NXPH1: variants seen among roughly 807,000 people sequenced by gnomAD.
The protein encoded by NXPH1 is neurexophilin 1.
A neutral mutation model predicts 23.7 loss-of-function variants in NXPH1; 5 were observed. That is an observed-to-expected ratio of 0.21 (90% confidence interval 0.11 to 0.44). The LOEUF (loss-of-function observed/expected upper bound fraction) is 0.44, where lower values mean the gene tolerates loss of function less well. Among genes scored for constraint, NXPH1 ranks in the 20% least tolerant of loss-of-function variants. NXPH1 has a pLI of 0.99. For synonymous variants in NXPH1, 144 were observed against 122.2 expected, an observed-to-expected ratio of 1.18 and a Z score of -1.18; for missense variants, 324 against 321.6, an observed-to-expected ratio of 1.01 and a Z score of -0.06.
rs183713211 is a variant in NXPH1 at position 8,681,825 on chromosome 7, T to A, written c.55-69183T>A. Among the ~76,000 whole-genome samples, 56 of 152,190 alleles carry A rather than the reference T, an allele frequency of 3.7e-4. 1 individual carries two copies. The highest frequency in any genetic ancestry group is 7.5e-4 in the Non-Finnish European group (51 of 68,030). ...ACATTGGCCTATCTGGCCTACCACA[T>A]CTATATTTTTCCAGTCTTTCTCTAC... On this transcript the variant is annotated intron_variant, in intron 2 of 2. Transcript: ENST00000405863.
intron 2 of NXPH1, among the ~76,000 whole-genome samples, chr7:8,438,445 G>A (rs1254579582): frequency 1.3e-5 from 2 of 152,208 alleles, no homozygotes; most frequent in African/African-American, 4.8e-5. Context: ...AGCCAGGGAA[G>A]AATTTGATGG....
intron 2 of NXPH1, among the ~76,000 whole-genome samples, chr7:8,554,398 G>T (rs183081226): frequency 6.6e-6 from 1 of 151,554 alleles, no homozygotes; most frequent in African/African-American, 2.4e-5. Context: ...AGAATGAGCC[G>T]GTCGGTGCTC....
At chr7:8,620,982 TAGTC>T (rs1819856100) in intron 2 of NXPH1, among the ~76,000 whole-genome samples, 2 of 152,220 alleles carry the variant, frequency 1.3e-5, no homozygotes, top group Admixed American at 6.5e-5. Context: ...GTTTTTGTCA[TAGTC>T]AGTTGCCTAT....
intron 2 of NXPH1, among the ~76,000 whole-genome samples, chr7:8,592,975 T>A (rs1023578865): frequency 6.6e-6 from 1 of 151,946 alleles, no homozygotes; most frequent in Non-Finnish European, 1.5e-5. Context: ...GTCCCCGTTT[T>A]ACCAACACAG....
intron 2 of NXPH1, among the ~76,000 whole-genome samples, chr7:8,632,745 G>A (rs913374393): frequency 2.0e-5 from 3 of 152,174 alleles, no homozygotes; most frequent in Non-Finnish European, 4.4e-5. Context: ...TTTCCGTGGT[G>A]TAGAGCTGTA....
At chr7:8,617,431 A>G (rs28632012) in intron 2 of NXPH1, among the ~76,000 whole-genome samples, 43,837 of 152,040 alleles carry the variant, frequency 0.29, 6,970 homozygotes, top group African/African-American at 0.4. Flanking sequence ...ATGAATGAAT[A>G]AAGAAAATGT....
At chr7:8,437,127 TAAACAGGTGAAAGCC>T (rs1816210153) in intron 2 of NXPH1, among the ~76,000 whole-genome samples, 1 of 152,170 alleles carries the variant, frequency 6.6e-6, no homozygotes, top group South Asian at 2.1e-4. Flanking sequence ...CACCTTGGGG[TAAACAGGTGAAAGCC>T]AGGGCAGCCA....
chr7:8,681,823 C>T (rs775303371), intron 2 of NXPH1, among the ~76,000 whole-genome samples: 4 of 152,212 alleles, frequency 2.6e-5, no homozygotes, highest in Non-Finnish European at 5.9e-5. Flanking sequence ...TGGCCTACCA[C>T]ATCTATATTT....
intron 2 of NXPH1, among the ~76,000 whole-genome samples, chr7:8,707,625 TCA>T (rs1321032973): frequency 6.6e-6 from 1 of 152,024 alleles, no homozygotes; most frequent in African/African-American, 2.4e-5. Flanking sequence ...TACAGATCCA[TCA>T]GGATCTGTAG....
intron 2 of NXPH1, among the ~76,000 whole-genome samples, chr7:8,460,893 T>C (rs1816683124): frequency 6.6e-6 from 1 of 152,228 alleles, no homozygotes; most frequent in African/African-American, 2.4e-5. Flanking sequence ...GAAAAATCAA[T>C]GAAATAATCC....
chr7:8,460,211 A>G (rs546520054), intron 2 of NXPH1, among the ~76,000 whole-genome samples: 2 of 152,258 alleles, frequency 1.3e-5, no homozygotes, highest in African/African-American at 4.8e-5. Flanking sequence ...TGCTTGCTTA[A>G]GCAGCACATA....
At position 8,497,296 on chromosome 7, in the gene NXPH1, A is replaced by C. The variant is rs185308032; in HGVS notation, c.54+61529A>C. Among the ~76,000 whole-genome samples the C allele has an allele frequency of 1.6e-3, 250 of 152,234 alleles. 1 individual carries two copies. Among genetic ancestry groups the C allele is most frequent in the African/African-American group, 5.8e-3 (240 of 41,564 alleles). ...TTTGGGTTGGTTCCAAGTCTTTGTT[A>C]TTGTGAATAGTGCAGCAATAAACAT... On this transcript the variant is annotated intron_variant, in intron 2 of 2. Transcript: ENST00000405863.
At chr7:8,486,021 C>T (rs375378262) in intron 2 of NXPH1, among the ~76,000 whole-genome samples, 32 of 152,218 alleles carry the variant, frequency 2.1e-4, no homozygotes, top group African/African-American at 6.3e-4. Flanking sequence ...GATAAAATGC[C>T]TAGAAAGAGT....
intron 2 of NXPH1, among the ~76,000 whole-genome samples, chr7:8,613,164 T>TTTCAA (rs1244823432): frequency 6.6e-6 from 1 of 151,970 alleles, no homozygotes; most frequent in African/African-American, 2.4e-5. Flanking sequence ...GGGTTTTTTT[T>TTTCAA]TCAATCATTA....
chr7:8,531,132 GATA>G (rs1817942920), intron 2 of NXPH1, among the ~76,000 whole-genome samples: 1 of 152,122 alleles, frequency 6.6e-6, no homozygotes, highest in African/African-American at 2.4e-5. Context: ...GGCAAGTGGA[GATA>G]ATAATATCTG....
intron 2 of NXPH1, among the ~76,000 whole-genome samples, chr7:8,557,222 A>G (rs1818372192): frequency 6.6e-6 from 1 of 151,648 alleles, no homozygotes. Context: ...ATGTGGGTAC[A>G]TCCCGGGCTT....
intron 2 of NXPH1, among the ~76,000 whole-genome samples, chr7:8,463,792 C>G (rs187791853): frequency 9.9e-5 from 15 of 152,160 alleles, no homozygotes; most frequent in Admixed American, 9.2e-4. Context: ...GTTTCCTTAT[C>G]TGTAAAATGA....
rs151222803 is a variant in NXPH1 at position 8,720,169 on chromosome 7, A to C, written c.55-30839A>C. Among the ~76,000 whole-genome samples, 573 of 145,812 alleles carry C rather than the reference A, an allele frequency of 3.9e-3. 10 individuals carry two copies. Among genetic ancestry groups the C allele is most frequent in the Admixed American group, 0.033 (485 of 14,520 alleles). ...TTGGTTAAGTGTCCATTCTTGGTTC[A>C]TATCTGTTCAATGAACTGAATCACC... On this transcript the variant is annotated intron_variant, in intron 2 of 2. Transcript: ENST00000405863.
intron 2 of NXPH1, among the ~76,000 whole-genome samples, chr7:8,554,522 C>T (rs947560283): frequency 2.0e-5 from 3 of 151,700 alleles, no homozygotes; most frequent in African/African-American, 7.3e-5. Flanking sequence ...TCCATAAAGA[C>T]ATTTATAATA....
Sources: allele counts gnomAD v4.1 joint callset (sites outside exome capture counted in the v4.1 genomes callset), GRCh38; gene constraint gnomAD v4.1.1; transcripts MANE v1.5; gene names NCBI Gene and HGNC (gene_info 2026-07-23, HGNC 2026-07-21).